The following GABRA1 variants were observed in gnomAD, a reference collection of about 807,000 sequenced individuals.
GABRA1 encodes gamma-aminobutyric acid type A receptor subunit alpha1, also known as gamma-aminobutyric acid receptor subunit alpha-1.
In GABRA1, 9 loss-of-function variants were observed where a neutral mutation model predicts 48.9. The observed-to-expected ratio is 0.18, with a 90% CI of 0.11 to 0.32. The LOEUF (loss-of-function observed/expected upper bound fraction) is 0.32, where lower values mean the gene tolerates loss of function less well. Among genes scored for constraint, GABRA1 ranks in the 10% least tolerant of loss-of-function variants. The pLI, the probability that GABRA1 is intolerant of heterozygous loss-of-function variation, is 1.00. For missense variants in GABRA1, 285 were observed against 553.8 expected (o/e 0.51, Z 4.87); for synonymous variants, 210 against 198.7 (o/e 1.06, Z -0.48).
chr5:161,875,751 A>G, intron 6 of GABRA1, 109 bp downstream of exon 6: 1 of 815,344 alleles, frequency 1.2e-6, no homozygotes, highest in South Asian at 1.4e-5. Context: ...AAATTTAAAC[A>G]GCAATATACC....
intron 6 of GABRA1, among the ~76,000 whole-genome samples, chr5:161,879,360 T>A (rs1354248099): frequency 1.3e-5 from 2 of 152,168 alleles, no homozygotes; most frequent in African/African-American, 4.8e-5. Context: ...GATCTGCCCA[T>A]GTTGGCCTTA....
At chr5:161,871,809 C>A (rs1754133462) in intron 4 of GABRA1, among the ~76,000 whole-genome samples, 1 of 152,168 alleles carries the variant, frequency 6.6e-6, no homozygotes, top group Non-Finnish European at 1.5e-5. Context: ...GATTACACCT[C>A]CTTGTTTCTA....
chr5:161,864,252 T>G (rs113380972), intron 3 of GABRA1, among the ~76,000 whole-genome samples: 2 of 152,086 alleles, frequency 1.3e-5, no homozygotes, highest in Non-Finnish European at 2.9e-5. Context: ...GTGCGCATTG[T>G]GCAGGTTAGT....
rs73797460 is a variant in GABRA1 at position 161,889,399 on chromosome 5, A to G, written c.704-1499A>G. The stretch of plus-strand genomic sequence containing the variant: ...GTAAGAGAGTTTAAGTGACTTATCA[A>G]AAGCTACACGGCAAGAAAATAGCAG... On this transcript the variant is annotated intron_variant, in intron 7 of 9. Transcript: ENST00000393943. Among the ~76,000 whole-genome samples the G allele has an allele frequency of 3.1e-3, 475 of 152,206 alleles. 4 individuals are homozygous for G. Among genetic ancestry groups the G allele is most frequent in the African/African-American group, 9.9e-3 (411 of 41,554 alleles).
rs1755488510 is a variant in GABRA1 at position 161,898,790 on chromosome 5, T to C, written c.*1368T>C. On this transcript the variant is annotated 3_prime_UTR_variant, in exon 10 of 10. Transcript: ENST00000393943. The stretch of plus-strand genomic sequence containing the variant: ...AACTGTATATTATTGCTATATTTGC[T>C]AATACCAACTATTTCAATAAGTGTT... 6.6e-6 allele frequency: 1 copy of C among 152,586 alleles called. No homozygotes were observed. Among genetic ancestry groups the C allele is most frequent in the Admixed American group, 6.5e-5 (1 of 15,274 alleles). The allele number at this position is 152,586 out of a possible 1,614,324, so 9.5% of individuals were successfully genotyped here.
At chr5:161,867,558 T>C (rs1176572235) in intron 4 of GABRA1, among the ~76,000 whole-genome samples, 1 of 152,112 alleles carries the variant, frequency 6.6e-6, no homozygotes, top group Non-Finnish European at 1.5e-5. Flanking sequence ...TTATTATAGT[T>C]GCCTATTCCT....
chr5:161,864,784 G>A (rs959851747), intron 3 of GABRA1, among the ~76,000 whole-genome samples: 7 of 147,150 alleles, frequency 4.8e-5, no homozygotes, highest in Admixed American at 6.8e-5. Flanking sequence ...AATTATTCCC[G>A]GGGAAAAATA....
intron 3 of GABRA1, among the ~76,000 whole-genome samples, chr5:161,859,904 G>T (rs934527650): frequency 6.6e-6 from 1 of 151,676 alleles, no homozygotes; most frequent in African/African-American, 2.4e-5. Flanking sequence ...CTTTACTAGA[G>T]AATAGCCTTT....
chr5:161,890,959 T>C lies in GABRA1; in HGVS notation c.765T>C (p.Ile255=). The C allele has an allele frequency of 6.2e-7, 1 of 1,613,446 alleles. No homozygotes were observed. Among genetic ancestry groups the C allele is most frequent in the Non-Finnish European group, 8.5e-7 (1 of 1,179,420 alleles). The part of the protein sequence containing the change: ...HLKRKIGYFV[I]QTYLPCIMTV... ...AGAGAAAGATTGGCTACTTTGTTAT[T>C]CAAACATACCTGCCATGCATAATGA... The change falls in exon 8 of 10, where the codon ATT becomes ATC. Residue 255 remains isoleucine (I), a synonymous_variant. Transcript: ENST00000393943.
At chr5:161,863,441 TG>T (rs1362880380) in intron 3 of GABRA1, among the ~76,000 whole-genome samples, 1 of 151,866 alleles carries the variant, frequency 6.6e-6, no homozygotes, top group African/African-American at 2.4e-5. Context: ...ATGTATCACA[TG>T]GCAAAAGCAG....
chr5:161,870,946 CTGTGTGTGTGTGTGTGTG>C (rs59726286), intron 4 of GABRA1, among the ~76,000 whole-genome samples: 28,194 of 141,500 alleles, frequency 0.2, 3,281 homozygotes, highest in Middle Eastern at 0.32. Flanking sequence ...GAGTGTTGCT[CTGTGTGTGTGTGTGTGTG>C]TGTGTGTGTG....
At chr5:161,891,201 T>A in intron 8 of GABRA1, 151 bp downstream of exon 8, 1 of 738,974 alleles carries the variant, frequency 1.4e-6, no homozygotes, top group South Asian at 1.7e-5. Flanking sequence ...ACTCTCATTA[T>A]GGTATATATT....
chr5:161,867,491 A>T (rs140084373), intron 4 of GABRA1, among the ~76,000 whole-genome samples: 1 of 152,294 alleles, frequency 6.6e-6, no homozygotes, highest in East Asian at 1.9e-4. Flanking sequence ...CAGCAGCAGC[A>T]TGACCTTGAA....
intron 3 of GABRA1, among the ~76,000 whole-genome samples, chr5:161,854,472 T>G (rs778404355): frequency 2.6e-5 from 4 of 151,834 alleles, no homozygotes; most frequent in Non-Finnish European, 5.9e-5. Context: ...AGACACAAAC[T>G]TCTAATAATG....
Position 161,854,176 on chromosome 5 carries a change from A to C in GABRA1, c.93A>C (p.Leu31Phe), listed in dbSNP as rs747927213. 8.1e-6 allele frequency: 13 copies of C among 1,601,214 alleles called. No homozygotes were observed. The East Asian group carries it at 2.7e-4, about 33-fold the overall frequency. The change falls in exon 3 of 10, where the codon TTA becomes TTC. Residue 31 changes from leucine to phenylalanine, a missense_variant. This residue lies in a region of GABRA1 where 45 missense variants were observed against 39.9 expected (regional missense o/e 1.13). Coordinates refer to ENST00000393943, the MANE Select transcript of GABRA1 (RefSeq NM_001127644.2). ...LTGRSYGQPSLQDELKDNTTV... is the reference protein window; with the variant it reads ...LTGRSYGQPSFQDELKDNTTV... Reference sequence around the variant, plus strand: ...TTTTCAGCTATGGACAGCCGTCATTACAAGATGAACTTAAAGACAATACCA... The same window carrying C: ...TTTTCAGCTATGGACAGCCGTCATTCCAAGATGAACTTAAAGACAATACCA...
intron 6 of GABRA1, among the ~76,000 whole-genome samples, chr5:161,880,458 T>C (rs1375155125): frequency 6.6e-6 from 1 of 152,192 alleles, no homozygotes; most frequent in Non-Finnish European, 1.5e-5. Flanking sequence ...ATAGACACAG[T>C]ACTGCTATAC....
chr5:161,871,914 CAT>C, intron 4 of GABRA1, among the ~76,000 whole-genome samples: 1 of 152,194 alleles, frequency 6.6e-6, no homozygotes, highest in African/African-American at 2.4e-5. Context: ...TAATGCCAAA[CAT>C]GTGCCAGAGA....
chr5:161,866,516 A>G (rs1035013832), intron 4 of GABRA1, among the ~76,000 whole-genome samples: 1 of 152,116 alleles, frequency 6.6e-6, no homozygotes, highest in Non-Finnish European at 1.5e-5. Flanking sequence ...TATTTCAAAG[A>G]TACATTAATT....
chr5:161,895,662 A>G lies in GABRA1; in HGVS notation c.857-4A>G. ...ATCATGTATGTTTTTTTTTTTCTTT[A>G]CAGGAGTAACAACTGTGCTCACCAT... On this transcript the variant is annotated splice_polypyrimidine_tract_variant and splice_region_variant and intron_variant, in intron 8 of 9. Transcript: ENST00000393943. 1 of 1,610,532 alleles carries G rather than the reference A, an allele frequency of 6.2e-7. No individual in the cohort carries two copies. The highest frequency in any genetic ancestry group is 2.2e-5 in the East Asian group (1 of 44,780).
Sources: gnomAD v4.1 joint callset for allele counts (sites outside exome capture counted in the v4.1 genomes callset) on GRCh38, gnomAD v4.1.1 for gene constraint, gnomAD v4.1.1 regional missense constraint, MANE v1.5 for transcripts, NCBI Gene and HGNC (gene_info 2026-07-23, HGNC 2026-07-21) for gene names.